The following SLX9 variants were observed in gnomAD, a reference collection of about 807,000 sequenced individuals.
SLX9 encodes the protein ribosome biogenesis protein SLX9 homolog.
A neutral mutation model predicts 20.8 loss-of-function variants in SLX9; 19 were observed. The ratio of observed to expected loss-of-function variants is 0.91; its 90% confidence interval spans 0.64 to 1.34. The LOEUF is 1.34. Ranked by LOEUF, SLX9 falls within the 40% of genes most tolerant of loss-of-function variation. The probability of loss-of-function intolerance (pLI) is 0.00; values close to 1 mark genes in which losing one functional copy is unlikely to be tolerated. For synonymous variants in SLX9, 113 were observed against 137.1 expected, an observed-to-expected ratio of 0.82 and a Z score of 1.23; for missense variants, 299 against 322.2, an observed-to-expected ratio of 0.93 and a Z score of 0.55.
At chr21:44,950,848 G>A (rs532124555) in intron 2 of SLX9, among the ~76,000 whole-genome samples, 26 of 152,224 alleles carry the variant, frequency 1.7e-4, no homozygotes, top group East Asian at 5.8e-4. Flanking sequence ...CTTCATCTGC[G>A]AAAGGGGGGT....
In SLX9 at chr21:44,940,079, C is replaced by T. The variant is rs769080156; in HGVS notation, c.22C>T (p.Arg8Cys). The T allele has an allele frequency of 1.4e-6, 2 of 1,457,650 alleles. No individual in the cohort carries two copies. Among genetic ancestry groups the T allele is most frequent in the African/African-American group, 1.5e-5 (1 of 67,944 alleles). 90.3% of individuals were successfully genotyped at this position (1,457,650 alleles called of 1,614,324 possible). The stretch of plus-strand genomic sequence containing the variant: ...GAAGATGGGGAAAGTGAGGGGGTTG[C>T]GCGCCCGAGTGCACCAGGCTGCCGT... MGKVRGL[R>C]ARVHQAAVRP... The change falls in exon 1 of 6, where the codon CGC (arginine) becomes TGC (cysteine). Residue 8 changes from arginine to cysteine, a missense_variant. Transcript: ENST00000291634.
intron 2 of SLX9, among the ~76,000 whole-genome samples, chr21:44,959,757 T>C (rs2084921222): frequency 6.6e-6 from 1 of 152,252 alleles, no homozygotes; most frequent in South Asian, 2.1e-4. Flanking sequence ...CGTCGGGCAT[T>C]CCTGCATGGC....
At position 44,943,819 on chromosome 21, in the gene SLX9, G is replaced by A. The variant is rs140146705; in HGVS notation, c.265G>A (p.Val89Ile). The A allele has an allele frequency of 1.2e-4, 200 of 1,613,104 alleles. No individual in the cohort carries two copies. The African/African-American group carries it at 2.1e-3, about 17-fold the overall frequency. ...TGAGGCAGGCTCGAGTGCACGGAGC[G>A]TCCCTTCCATCAGGAGAGGTGAGGC... ...RGEAGSSARS[V>I]PSIRRGAEAK... is the part of the protein sequence containing the mutation. Residue 89 changes from valine to isoleucine, a missense_variant, in exon 2 of 6, where the codon GTC becomes ATC. Physicochemically the swap from Val to Ile is conservative, Grantham distance 29. Coordinates refer to ENST00000291634, the MANE Select transcript of SLX9 (RefSeq NM_058190.4).
intron 2 of SLX9, chr21:44,959,138 C>A: frequency 1.1e-6 from 1 of 894,958 alleles, no homozygotes; most frequent in Non-Finnish European, 1.3e-6. Flanking sequence ...GGTTTCACAC[C>A]GGCTCCTGAA....
intron 2 of SLX9, among the ~76,000 whole-genome samples, chr21:44,948,138 G>A (rs1056004642): frequency 2.6e-4 from 39 of 152,252 alleles, no homozygotes; most frequent in African/African-American, 9.2e-4. Context: ...CCTTGGCATC[G>A]GACATCCGGG....
intron 2 of SLX9, among the ~76,000 whole-genome samples, chr21:44,957,656 C>T (rs1343092457): frequency 6.6e-6 from 1 of 152,246 alleles, no homozygotes; most frequent in Non-Finnish European, 1.5e-5. Flanking sequence ...CAGAGGGTTC[C>T]ACCGAGTGTG....
chr21:44,947,465 C>T (rs1219559805), intron 2 of SLX9, among the ~76,000 whole-genome samples: 3 of 152,196 alleles, frequency 2.0e-5, no homozygotes, highest in Non-Finnish European at 4.4e-5. Flanking sequence ...TGCCCATCTG[C>T]ACCCCTCCTC....
At chr21:44,965,838 G>A (rs116928633) in intron 3 of SLX9, among the ~76,000 whole-genome samples, 2,219 of 152,278 alleles carry the variant, frequency 0.015, 26 homozygotes, top group Non-Finnish European at 0.018. Context: ...GAGCCATCTG[G>A]CCTGGCCCGC....
intron 3 of SLX9, among the ~76,000 whole-genome samples, chr21:44,962,943 T>A (rs1395271998): frequency 6.6e-6 from 1 of 152,226 alleles, no homozygotes; most frequent in Admixed American, 6.5e-5. Context: ...CATTTGTGTT[T>A]CAGCGTCAGT....
chr21:44,958,667 C>T (rs1285106529), intron 2 of SLX9, among the ~76,000 whole-genome samples: 2 of 152,232 alleles, frequency 1.3e-5, no homozygotes, highest in African/African-American at 2.4e-5. Context: ...TCAGCAAGGG[C>T]GCCTTGGGCC....
At chr21:44,956,610 C>T (rs1037368281) in intron 2 of SLX9, among the ~76,000 whole-genome samples, 2 of 152,304 alleles carry the variant, frequency 1.3e-5, no homozygotes, top group African/African-American at 2.4e-5. Flanking sequence ...AGCAGCATCG[C>T]GTAGTGTGTT....
At chr21:44,950,159 C>A (rs1253634545) in intron 2 of SLX9, among the ~76,000 whole-genome samples, 1 of 151,672 alleles carries the variant, frequency 6.6e-6, no homozygotes, top group Non-Finnish European at 1.5e-5. Context: ...CCCCACCCTG[C>A]CTGTGTCTCT....
intron 5 of SLX9, among the ~76,000 whole-genome samples, chr21:44,974,968 G>T (rs960858224): frequency 6.6e-6 from 1 of 152,182 alleles, no homozygotes; most frequent in Non-Finnish European, 1.5e-5. Context: ...ATGTCCTTGC[G>T]GTCGCGGCAT....
At chr21:44,959,958 G>A (rs1003701310) in intron 2 of SLX9, 142 bp from the exon 3 acceptor site, 10 of 713,004 alleles carry the variant, frequency 1.4e-5, no homozygotes, top group South Asian at 6.5e-5. Context: ...GTCCAGAGCC[G>A]GGAGTCTGAG....
chr21:44,961,176 C>T (rs777279690), intron 3 of SLX9, among the ~76,000 whole-genome samples: 1 of 152,130 alleles, frequency 6.6e-6, no homozygotes, highest in Non-Finnish European at 1.5e-5. Context: ...CATTTGGACC[C>T]TGATTTTCTA....
At chr21:44,969,175 C>G (rs746550382) in intron 4 of SLX9, 3 of 470,606 alleles carry the variant, frequency 6.4e-6, no homozygotes, top group Non-Finnish European at 1.3e-5. Flanking sequence ...TGCCCAGGCT[C>G]GAGGGTGGCA....
At chr21:44,949,244 C>T (rs1176709252) in intron 2 of SLX9, among the ~76,000 whole-genome samples, 1 of 152,162 alleles carries the variant, frequency 6.6e-6, no homozygotes, top group Non-Finnish European at 1.5e-5. Context: ...AGCCCTGGCT[C>T]CCCCTCGCAC....
intron 2 of SLX9, among the ~76,000 whole-genome samples, chr21:44,959,827 G>T (rs1239029097): frequency 6.6e-6 from 1 of 152,254 alleles, no homozygotes; most frequent in East Asian, 1.9e-4. Flanking sequence ...AGGCCTCCTT[G>T]TTGGGACACC....
chr21:44,972,694 C>G (rs968348656), intron 4 of SLX9, among the ~76,000 whole-genome samples: 1 of 152,218 alleles, frequency 6.6e-6, no homozygotes, highest in Non-Finnish European at 1.5e-5. Context: ...GACCTGGGGA[C>G]ATGTAGGCTT....
Sources: gnomAD v4.1 joint callset for allele counts (sites outside exome capture counted in the v4.1 genomes callset) on GRCh38, gnomAD v4.1.1 for gene constraint, MANE v1.5 for transcripts, NCBI Gene and HGNC (gene_info 2026-07-23, HGNC 2026-07-21) for gene names.